Variants in CNBD1 observed in about 807,000 individuals in gnomAD.
CNBD1 encodes cyclic nucleotide binding domain containing 1.
In CNBD1, 71 loss-of-function variants were observed where a neutral mutation model predicts 54.4. The ratio of observed to expected loss-of-function variants is 1.30; its 90% CI spans 1.08 to 1.59. CNBD1 has a LOEUF of 1.59. Among genes scored for constraint, CNBD1 ranks in the 40% most tolerant of loss-of-function variants. The pLI is 0.00. For missense variants in CNBD1, 659 were observed against 518.0 expected (o/e 1.27, Z -2.64); for synonymous variants, 182 against 170.7 (o/e 1.07, Z -0.51).
chr8:86,934,395 CTG>C (rs1382868230), intron 3 of CNBD1, among the ~76,000 whole-genome samples: 1 of 152,046 alleles, frequency 6.6e-6, no homozygotes, highest in African/African-American at 2.4e-5. Flanking sequence ...GTTATAATAT[CTG>C]TGGATTCTTT....
chr8:87,303,861 A>G (rs1353508858), intron 8 of CNBD1, among the ~76,000 whole-genome samples: 2 of 152,178 alleles, frequency 1.3e-5, no homozygotes, highest in Non-Finnish European at 2.9e-5. Context: ...AGAAGATATT[A>G]AACAGCCAAA....
At chr8:87,176,816 C>G (rs553308319) in intron 4 of CNBD1, among the ~76,000 whole-genome samples, 3 of 151,978 alleles carry the variant, frequency 2.0e-5, no homozygotes, top group Non-Finnish European at 4.4e-5. Context: ...ACAAAGGATA[C>G]TTTTTGTTTA....
intron 6 of CNBD1, among the ~76,000 whole-genome samples, chr8:87,250,150 C>A (rs1290512281): frequency 6.6e-6 from 1 of 152,056 alleles, no homozygotes; most frequent in Non-Finnish European, 1.5e-5. Context: ...AATCCAATTA[C>A]AAAATGGACA....
chr8:87,334,969 C>T (rs1237887971), intron 8 of CNBD1, among the ~76,000 whole-genome samples: 8 of 151,982 alleles, frequency 5.3e-5, no homozygotes, highest in Non-Finnish European at 1.2e-4. Context: ...CATGATCCAC[C>T]CACCTCGGCC....
intron 4 of CNBD1, among the ~76,000 whole-genome samples, chr8:87,111,786 C>T (rs1028310594): frequency 5.3e-5 from 8 of 152,174 alleles, no homozygotes; most frequent in Non-Finnish European, 1.2e-4. Context: ...TAGGACACCC[C>T]CCTCCCGCCC....
rs976365492 is a variant in CNBD1 at position 87,276,720 on chromosome 8, T to C, written c.772-7958T>C. Among the ~76,000 whole-genome samples the C allele has an allele frequency of 5.3e-5, 8 of 151,812 alleles. No homozygotes were observed. In the Admixed American group the frequency reaches 5.3e-4, roughly 10 times the overall value. On this transcript the variant is annotated intron_variant, in intron 6 of 10. Coordinates refer to ENST00000518476, the MANE Select transcript of CNBD1 (RefSeq NM_173538.3). ...TGAAGAGCAATCAAGGGAACCAAGA[T>C]TAGAGTGGCTATAATTCAAGAAAGA...
rs575601223 is a variant in CNBD1, at chr8:87,014,468, A to T, written c.431+74714A>T. On this transcript the variant is annotated intron_variant, in intron 4 of 10. Coordinates refer to ENST00000518476, the MANE Select transcript of CNBD1 (RefSeq NM_173538.3). ...CTGAGTTATTGGTATAAATACCCTT[A>T]AAACTAACCATAAGCTTTATTACTA... Among the ~76,000 whole-genome samples the T allele has an allele frequency of 2.7e-3, 408 of 152,230 alleles. 4 individuals carry two copies. The highest frequency in any genetic ancestry group is 4.4e-3 in the Non-Finnish European group (297 of 67,940).
intron 1 of CNBD1, among the ~76,000 whole-genome samples, chr8:86,886,169 A>C (rs1808677740): frequency 6.6e-6 from 1 of 152,134 alleles, no homozygotes; most frequent in Admixed American, 6.6e-5. Flanking sequence ...TTAGAAAAAC[A>C]GGCTAAATGA....
intron 5 of CNBD1, among the ~76,000 whole-genome samples, chr8:87,228,561 G>A (rs1814571913): frequency 6.7e-6 from 1 of 150,142 alleles, no homozygotes; most frequent in South Asian, 2.1e-4. Flanking sequence ...TCGGGGGTCA[G>A]GGGTCAGGGA....
At chr8:87,145,141 C>T (rs887435586) in intron 4 of CNBD1, among the ~76,000 whole-genome samples, 1 of 152,032 alleles carries the variant, frequency 6.6e-6, no homozygotes, top group Admixed American at 6.6e-5. Flanking sequence ...TATTTAGGTG[C>T]TTTTTAGTAA....
At chr8:87,219,518 C>T (rs1170152698) in intron 5 of CNBD1, among the ~76,000 whole-genome samples, 2 of 151,742 alleles carry the variant, frequency 1.3e-5, no homozygotes. Context: ...GTCTAAAGAC[C>T]ATATATATGT....
At chr8:86,874,646 A>T (rs1292550435) in intron 1 of CNBD1, among the ~76,000 whole-genome samples, 2 of 152,090 alleles carry the variant, frequency 1.3e-5, no homozygotes, top group Non-Finnish European at 2.9e-5. Context: ...TAAATATAGG[A>T]ACTCTGGGGT....
chr8:87,107,040 G>A (rs1403681757), intron 4 of CNBD1, among the ~76,000 whole-genome samples: 2 of 151,972 alleles, frequency 1.3e-5, no homozygotes, highest in Non-Finnish European at 2.9e-5. Flanking sequence ...ATCTTGGCCA[G>A]GTTGATCTTG....
intron 2 of CNBD1, among the ~76,000 whole-genome samples, chr8:87,411,573 T>C (rs1465514386): frequency 6.6e-6 from 1 of 150,738 alleles, no homozygotes; most frequent in Non-Finnish European, 1.5e-5. Context: ...TTATTAAAAT[T>C]AAATTTATTG....
intron 4 of CNBD1, among the ~76,000 whole-genome samples, chr8:87,132,091 A>G (rs904882939): frequency 2.0e-5 from 3 of 151,804 alleles, no homozygotes; most frequent in Non-Finnish European, 4.4e-5. Flanking sequence ...TATGTATGTA[A>G]TGTGTCTTGG....
intron 4 of CNBD1, among the ~76,000 whole-genome samples, chr8:87,108,374 T>G (rs1019434787): frequency 6.6e-6 from 1 of 152,208 alleles, no homozygotes; most frequent in African/African-American, 2.4e-5. Context: ...ATATATTACA[T>G]TCATTCCAGC....
intron 2 of CNBD1, among the ~76,000 whole-genome samples, chr8:87,401,142 T>G (rs553445154): frequency 2.6e-5 from 4 of 152,030 alleles, no homozygotes; most frequent in Non-Finnish European, 5.9e-5. Context: ...AAATATAATC[T>G]TTGGATATGT....
chr8:87,393,206 G>A (rs1008622094), intron 2 of CNBD1, among the ~76,000 whole-genome samples: 1 of 151,838 alleles, frequency 6.6e-6, no homozygotes, highest in Non-Finnish European at 1.5e-5. Flanking sequence ...CCAGTGAGCA[G>A]GGAGGCAGTA....
At chr8:87,282,670 T>G (rs1348881894) in intron 6 of CNBD1, among the ~76,000 whole-genome samples, 1 of 152,012 alleles carries the variant, frequency 6.6e-6, no homozygotes, top group African/African-American at 2.4e-5. Context: ...TTAGGGAGTC[T>G]GATGATATTT....
Sources: allele counts gnomAD v4.1 joint callset (sites outside exome capture counted in the v4.1 genomes callset), GRCh38; gene constraint gnomAD v4.1.1; transcripts MANE v1.5; gene names NCBI Gene and HGNC (gene_info 2026-07-23, HGNC 2026-07-21).